Variants in RECQL5 observed in about 807,000 individuals in gnomAD.
The protein encoded by RECQL5 is ATP-dependent DNA helicase Q5.
In RECQL5, 88 loss-of-function variants were observed where a neutral mutation model predicts 103.4. The observed-to-expected ratio is 0.85, with a 90% confidence interval of 0.72 to 1.02. RECQL5 has a LOEUF of 1.02. Among genes scored for constraint, RECQL5 ranks in the 50% least tolerant of loss-of-function variants. The pLI is 0.00. For missense variants in RECQL5, 1,232 were observed against 1,284.3 expected (o/e 0.96, Z 0.62); for synonymous variants, 552 against 507.9 (o/e 1.09, Z -1.17).
Position 75,627,204 on chromosome 17 carries a change from G to A in RECQL5, c.*218C>T, listed in dbSNP as rs9893069. 276 of 658,548 alleles carry A rather than the reference G, an allele frequency of 4.2e-4. 2 individuals carry two copies. The African/African-American group carries it at 4.3e-3, about 10-fold the overall frequency. The allele number at this position is 658,548 out of a possible 1,614,324, so 40.8% of individuals were successfully genotyped here. A position where few individuals can be genotyped will look rare whatever the true frequency, so the allele number is the denominator to read the frequency against. On this transcript the variant is annotated 3_prime_UTR_variant, in exon 20 of 20. Transcript: ENST00000317905. ...CCCAGAAAACCCAGCCATGAGGACC[G>A]CTCTGAGAAGGGTCTATAGGCTTTG...
intron 8 of RECQL5, among the ~76,000 whole-genome samples, chr17:75,635,476 C>G (rs1465996133): frequency 6.6e-6 from 1 of 152,250 alleles, no homozygotes; most frequent in African/African-American, 2.4e-5. Context: ...CCTACTGTTT[C>G]TAACACCAGC....
chr17:75,629,863 A>G (rs755849241), intron 14 of RECQL5, 21 bp from the exon 15 acceptor site: 2 of 1,566,616 alleles, frequency 1.3e-6, no homozygotes, highest in Non-Finnish European at 1.7e-6. Flanking sequence ...ATAGGCAGGG[A>G]GGCTGTGGCA....
rs947439645 is a variant in RECQL5, at chr17:75,661,045, G to A, written c.896C>T (p.Thr299Met). Residue 299 changes from threonine to methionine, a missense_variant, in exon 6 of 20, where the codon ACG becomes ATG. Transcript: ENST00000317905. ...YHAGLKASERTLVQNDWMEEK... is the reference protein window; with the variant it reads ...YHAGLKASERMLVQNDWMEEK... The stretch of plus-strand genomic sequence containing the variant: ...CTCCATCCAGTCGTTCTGCACCAGC[G>A]TTCTTTCAGAGGCCTTCAGCCCTGT... The A allele has an allele frequency of 5.0e-6, 8 of 1,614,000 alleles. No homozygotes were observed. The highest frequency in any genetic ancestry group is 2.2e-5 in the East Asian group (1 of 44,902).
At chr17:75,655,576 G>A (rs1253985570) in intron 7 of RECQL5, among the ~76,000 whole-genome samples, 1 of 151,886 alleles carries the variant, frequency 6.6e-6, no homozygotes, top group Non-Finnish European at 1.5e-5. Context: ...ATGTTAGCCA[G>A]GATGGTCTTG....
intron 7 of RECQL5, among the ~76,000 whole-genome samples, chr17:75,655,294 C>G (rs975063457): frequency 9.3e-5 from 14 of 151,164 alleles, no homozygotes; most frequent in African/African-American, 2.9e-4. Context: ...TGGTCTCGAA[C>G]TACTGGCCTC....
In RECQL5 at chr17:75,628,373, T is replaced by G. The variant is rs1444121788; in HGVS notation, c.2650A>C (p.Lys884Gln). ...SAKPSVVAEV[K>Q]GSVSASEQGT... is the part of the protein sequence containing the mutation. Reference sequence around the variant, plus strand: ...TGTTCGCTGGCCGAGACGCTGCCCTTGACCTCAGCTACGACGGAGGGCTTG... The same window carrying G: ...TGTTCGCTGGCCGAGACGCTGCCCTGGACCTCAGCTACGACGGAGGGCTTG... Residue 884 changes from lysine (K) to glutamine (Q), a missense_variant, in exon 18 of 20, where the codon AAG (lysine) becomes CAG (glutamine). Lys to Gln is a moderately conservative substitution (Grantham distance 53, BLOSUM62 1). Transcript: ENST00000317905. The G allele has an allele frequency of 6.2e-7, 1 of 1,613,920 alleles. No homozygotes were observed. Among genetic ancestry groups the G allele is most frequent in the Non-Finnish European group, 8.5e-7 (1 of 1,180,046 alleles).
rs965396257 is a variant in RECQL5 at position 75,627,217 on chromosome 17, T to A, written c.*205A>T. 2.3e-5 allele frequency: 15 copies of A among 660,866 alleles called. No homozygotes were observed. The East Asian group carries it at 4.0e-4, about 17-fold the overall frequency. 40.9% of individuals were successfully genotyped at this position (660,866 alleles called of 1,614,324 possible). A position where few individuals can be genotyped will look rare whatever the true frequency, so the allele number is the denominator to read the frequency against. On this transcript the variant is annotated 3_prime_UTR_variant, in exon 20 of 20. Coordinates refer to ENST00000317905, the MANE Select transcript of RECQL5 (RefSeq NM_004259.7). ...GCCATGAGGACCGCTCTGAGAAGGGTCTATAGGCTTTGCAAGCAGAAAGAA... is the reference window on the plus strand; with the variant it reads ...GCCATGAGGACCGCTCTGAGAAGGGACTATAGGCTTTGCAAGCAGAAAGAA...
intron 8 of RECQL5, among the ~76,000 whole-genome samples, chr17:75,644,541 T>C (rs1028659389): frequency 4.0e-5 from 6 of 151,524 alleles, no homozygotes; most frequent in African/African-American, 1.5e-4. Context: ...GGCATGACAG[T>C]GGCACTGCAC....
chr17:75,666,430 T>A lies in RECQL5; in HGVS notation c.128A>T (p.Lys43Ile). ...LQESATMAVV[K>I]GNKDVFVCMP... ...GGAAGGTAGCTTGGTAATGTTACCT[T>A]TTACTACAGCCATGGTCGCACTCTC... Residue 43 changes from lysine (K) to isoleucine (I), a missense_variant and splice_region_variant, in exon 2 of 20, where the codon AAA becomes ATA. Physicochemically the swap from Lys to Ile is moderately radical, Grantham distance 102 (BLOSUM62 -3). Transcript: ENST00000317905. 1.2e-6 allele frequency: 2 copies of A among 1,613,742 alleles called. No individual in the cohort carries two copies. Among genetic ancestry groups the A allele is most frequent in the Non-Finnish European group, 1.7e-6 (2 of 1,179,898 alleles).
At chr17:75,649,050 C>T (rs935044541) in intron 8 of RECQL5, 1 of 151,994 alleles carries the variant, frequency 6.6e-6, no homozygotes, top group Non-Finnish European at 1.5e-5. Flanking sequence ...GTGCCTGGCA[C>T]AGAGCTGGCA....
Position 75,629,741 on chromosome 17 carries a change from C to T in RECQL5, c.1914G>A (p.Glu638=). Residue 638 remains glutamate, a synonymous_variant, in exon 15 of 20, where the codon GAG becomes GAA. Coordinates refer to ENST00000317905, the MANE Select transcript of RECQL5 (RefSeq NM_004259.7). ...SAQAEPPEPN[E]YDIPPASHVY... ...CATGGGAGGCTGGTGGAATGTCATA[C>T]TCATTGGGCTCCGGGGGCTCAGCTT... 1.9e-6 allele frequency: 3 copies of T among 1,613,498 alleles called. No individual in the cohort carries two copies. Among genetic ancestry groups the T allele is most frequent in the African/African-American group, 1.3e-5 (1 of 75,052 alleles).
intron 8 of RECQL5, among the ~76,000 whole-genome samples, chr17:75,648,667 C>T (rs1459638941): frequency 8.0e-6 from 1 of 125,442 alleles, no homozygotes; most frequent in Admixed American, 1.0e-4. Context: ...CCACGGCGCC[C>T]GGCCTTTTTT....
At position 75,627,430 on chromosome 17, in the gene RECQL5, G is replaced by C; in HGVS notation, c.2968C>G (p.Gln990Glu). 6.2e-7 allele frequency: 1 copy of C among 1,612,982 alleles called. No individual in the cohort carries two copies. Among genetic ancestry groups the C allele is most frequent in the Non-Finnish European group, 8.5e-7 (1 of 1,179,608 alleles). ...GCCCAGCCAGCAGTTGGTCATCTCTGGGGGCCACACAGGCCATGCCAGTCA... is the reference window on the plus strand; with the variant it reads ...GCCCAGCCAGCAGTTGGTCATCTCTCGGGGCCACACAGGCCATGCCAGTCA... ...EADWHGLCGPQR is the reference protein window; with the variant it reads ...EADWHGLCGPER The change falls in exon 20 of 20, where the codon CAG becomes GAG. Residue 990 changes from glutamine (Q) to glutamate (E), a missense_variant. Physicochemically the swap from Gln to Glu is conservative, Grantham distance 29. Coordinates refer to ENST00000317905, the MANE Select transcript of RECQL5 (RefSeq NM_004259.7).
At chr17:75,639,542 G>A (rs986074255) in intron 8 of RECQL5, 1 of 152,326 alleles carries the variant, frequency 6.6e-6, no homozygotes, top group African/African-American at 2.4e-5. Context: ...AGCAACCTGG[G>A]CCTCCTGACC....
In RECQL5 at chr17:75,629,004, C is replaced by T; in HGVS notation, c.2419G>A (p.Glu807Lys). 3 of 1,567,838 alleles carry T rather than the reference C, an allele frequency of 1.9e-6. No individual in the cohort carries two copies. Among genetic ancestry groups the T allele is most frequent in the South Asian group, 1.2e-5 (1 of 83,370 alleles). Reference protein sequence around the residue: ...PPMAPEKYTGEEDGAGGHSPA... With the variant: ...PPMAPEKYTGKEDGAGGHSPA... Reference sequence around the variant, plus strand: ...GAATGTCCCCCGGCTCCATCTTCCTCCCCTGTGTACTTCTCTGGGGCCATC... The same window carrying T: ...GAATGTCCCCCGGCTCCATCTTCCTTCCCTGTGTACTTCTCTGGGGCCATC... The change falls in exon 16 of 20, where the codon GAG (glutamate) becomes AAG (lysine). Residue 807 changes from glutamate (E) to lysine (K), a missense_variant. Physicochemically the swap from Glu to Lys is moderately conservative, Grantham distance 56 (BLOSUM62 1). Coordinates refer to ENST00000317905, the MANE Select transcript of RECQL5 (RefSeq NM_004259.7).
In RECQL5 at chr17:75,660,875, T is replaced by C. The variant is rs574009444; in HGVS notation, c.986+80A>G. 2.1e-5 allele frequency: 21 copies of C among 1,024,172 alleles called. No individual in the cohort carries two copies. In the East Asian group the frequency reaches 4.7e-4, roughly 23 times the overall value. The allele number at this position is 1,024,172 out of a possible 1,614,324, so 63.4% of individuals were successfully genotyped here. The stretch of plus-strand genomic sequence containing the variant: ...TAGCCCTCGAAGGAGCACATGCACC[T>C]GGTCCTTTGGGCACAGCACTAGGCA... On this transcript the variant is annotated intron_variant, in intron 6 of 19. Coordinates refer to ENST00000317905, the MANE Select transcript of RECQL5 (RefSeq NM_004259.7).
chr17:75,629,549 A>C (rs820192), intron 15 of RECQL5, 74 bp from the exon 16 acceptor site: 1,474,803 of 1,494,778 alleles, frequency 0.99, 728,283 homozygotes, highest in East Asian at 1. Context: ...CTGGAGCAGT[A>C]ACTCACATTG....
At chr17:75,639,405 G>A (rs1329935567) in intron 8 of RECQL5, 1 of 152,276 alleles carries the variant, frequency 6.6e-6, no homozygotes, top group African/African-American at 2.4e-5. Context: ...CTTCTGGAGT[G>A]GCACCTTGGG....
At chr17:75,638,061 G>A (rs963655162) in intron 8 of RECQL5, 8 of 152,142 alleles carry the variant, frequency 5.3e-5, no homozygotes, top group Non-Finnish European at 1.2e-4. Context: ...CCACAGAAAC[G>A]CACTCACTCC....
Sources: allele counts gnomAD v4.1 joint callset (sites outside exome capture counted in the v4.1 genomes callset), GRCh38; gene constraint gnomAD v4.1.1; transcripts MANE v1.5; gene names NCBI Gene and HGNC (gene_info 2026-07-23, HGNC 2026-07-21).